NTRK3: variants seen among roughly 807,000 people sequenced by gnomAD.
NTRK3 encodes neurotrophic receptor tyrosine kinase 3.
NTRK3 carries 24 observed loss-of-function variants against 91.7 expected under a neutral mutation model. The ratio of observed to expected loss-of-function variants is 0.26; its 90% CI spans 0.19 to 0.37. NTRK3 has a LOEUF of 0.37. Among genes scored for constraint, NTRK3 ranks in the 10% least tolerant of loss-of-function variants. NTRK3 has a pLI of 1.00. For synonymous variants in NTRK3, 483 were observed against 404.0 expected (o/e 1.20, Z -2.34); for missense variants, 880 against 1,068.9 (o/e 0.82, Z 2.46).
At chr15:87,859,812 TC>T in exon 19 of NTRK3, 1 of 178,152 alleles carries the variant, frequency 5.6e-6, no homozygotes, top group Admixed American at 6.3e-5. Context: ...AGGATACAGG[TC>T]TACACACGAT....
intron 17 of NTRK3, among the ~76,000 whole-genome samples, chr15:87,905,513 T>C (rs1346397066): frequency 6.6e-6 from 1 of 152,192 alleles, no homozygotes; most frequent in South Asian, 2.1e-4. Flanking sequence ...TACACAGTGA[T>C]ATTTAGGTTA....
intron 13 of NTRK3, among the ~76,000 whole-genome samples, chr15:88,067,515 G>A (rs767466162): frequency 2.0e-5 from 3 of 152,234 alleles, no homozygotes; most frequent in Middle Eastern, 3.4e-3. Context: ...TTAAAAGCAC[G>A]ATGTGATTCT....
chr15:88,245,543 C>T (rs1444848017), intron 3 of NTRK3, among the ~76,000 whole-genome samples: 2 of 152,042 alleles, frequency 1.3e-5, no homozygotes, highest in African/African-American at 4.8e-5. Context: ...AACCAAATAC[C>T]CTGGATTAGA....
chr15:88,084,888 A>C (rs1184806831), intron 13 of NTRK3, among the ~76,000 whole-genome samples: 1 of 152,154 alleles, frequency 6.6e-6, no homozygotes. Context: ...CCCTTTGACA[A>C]GGGGCATGTA....
At chr15:87,893,668 G>A (rs570689970) in intron 17 of NTRK3, among the ~76,000 whole-genome samples, 2 of 152,288 alleles carry the variant, frequency 1.3e-5, no homozygotes, top group African/African-American at 4.8e-5. Flanking sequence ...ATTACAGAAG[G>A]AGCCAGCTGG....
At chr15:88,003,203 T>G (rs987218590) in intron 14 of NTRK3, among the ~76,000 whole-genome samples, 2 of 152,266 alleles carry the variant, frequency 1.3e-5, no homozygotes, top group Non-Finnish European at 2.9e-5. Flanking sequence ...CAGAATGGTC[T>G]AGATCTAACT....
At chr15:87,954,702 C>T (rs964435889) in intron 14 of NTRK3, among the ~76,000 whole-genome samples, 1 of 152,230 alleles carries the variant, frequency 6.6e-6, no homozygotes, top group Non-Finnish European at 1.5e-5. Flanking sequence ...ATGGAATTTG[C>T]TGTTCAGTGC....
chr15:88,166,859 G>C (rs969430604), intron 5 of NTRK3, among the ~76,000 whole-genome samples: 1 of 152,074 alleles, frequency 6.6e-6, no homozygotes, highest in Non-Finnish European at 1.5e-5. Context: ...GATTACTGTT[G>C]GAAGAACACC....
chr15:88,029,783 G>A (rs1193267364), intron 14 of NTRK3, among the ~76,000 whole-genome samples: 1 of 152,146 alleles, frequency 6.6e-6, no homozygotes, highest in African/African-American at 2.4e-5. Context: ...AATTATTTAT[G>A]ATAGTGGCTC....
intron 14 of NTRK3, among the ~76,000 whole-genome samples, chr15:87,953,685 A>G (rs892122434): frequency 1.3e-5 from 2 of 152,138 alleles, no homozygotes; most frequent in Non-Finnish European, 2.9e-5. Context: ...AACCCACATC[A>G]AACACACTCA....
intron 17 of NTRK3, among the ~76,000 whole-genome samples, chr15:87,889,099 C>G (rs543100058): frequency 1.3e-5 from 2 of 152,276 alleles, no homozygotes; most frequent in Middle Eastern, 3.4e-3. Flanking sequence ...GACATGGCAG[C>G]CAGGATTTTC....
chr15:88,078,878 C>G (rs571165783), intron 13 of NTRK3, among the ~76,000 whole-genome samples: 2 of 152,166 alleles, frequency 1.3e-5, no homozygotes. Context: ...TGGACGAGCA[C>G]GGGGGAAAGT....
intron 13 of NTRK3, among the ~76,000 whole-genome samples, chr15:88,050,238 C>A (rs111438997): frequency 1.3e-5 from 2 of 152,098 alleles, no homozygotes; most frequent in Non-Finnish European, 2.9e-5. Context: ...GTGTCCCAGG[C>A]TATAGGGGAA....
intron 13 of NTRK3, among the ~76,000 whole-genome samples, chr15:88,085,798 T>C (rs993698032): frequency 1.3e-5 from 2 of 152,230 alleles, no homozygotes; most frequent in Non-Finnish European, 2.9e-5. Context: ...TCAAATCTCC[T>C]CGCCATGTGA....
chr15:88,119,470 GTC>G (rs2052465347), intron 13 of NTRK3, among the ~76,000 whole-genome samples: 1 of 152,184 alleles, frequency 6.6e-6, no homozygotes, highest in South Asian at 2.1e-4. Context: ...TGGAAGGTCT[GTC>G]AAATGTCAGA....
intron 17 of NTRK3, among the ~76,000 whole-genome samples, chr15:87,900,853 G>T (rs780499230): frequency 6.6e-6 from 1 of 152,146 alleles, no homozygotes; most frequent in Non-Finnish European, 1.5e-5. Context: ...AATTGGTAGG[G>T]TGAGGGAAAG....
intron 13 of NTRK3, chr15:88,072,368 C>T (rs1367501841): frequency 5.0e-6 from 1 of 200,438 alleles, no homozygotes; most frequent in Non-Finnish European, 1.0e-5. Context: ...TGACGCAGAC[C>T]AGCTCAGCTC....
At chr15:87,955,545 A>T (rs1360287819) in intron 14 of NTRK3, among the ~76,000 whole-genome samples, 1 of 152,244 alleles carries the variant, frequency 6.6e-6, no homozygotes, top group Non-Finnish European at 1.5e-5. Flanking sequence ...ACATTGGCAT[A>T]GAGAACCCTA....
chr15:88,183,564 G>A, intron 4 of NTRK3, 75 bp from the exon 5 acceptor site: 4 of 1,394,746 alleles, frequency 2.9e-6, no homozygotes, highest in African/African-American at 1.4e-5. Flanking sequence ...AGGCTGGCAG[G>A]GGGTGAGGCT....
Sources: gnomAD v4.1 joint callset for allele counts (sites outside exome capture counted in the v4.1 genomes callset) on GRCh38, gnomAD v4.1.1 for gene constraint, MANE v1.5 for transcripts, NCBI Gene and HGNC (gene_info 2026-07-23, HGNC 2026-07-21) for gene names.